DPP6: variants seen among roughly 807,000 people sequenced by gnomAD.
DPP6 encodes dipeptidyl peptidase like 6, also known as A-type potassium channel modulatory protein DPP6.
In DPP6, 69 loss-of-function variants were observed where a neutral mutation model predicts 122.6. That is an observed-to-expected ratio of 0.56 (90% CI 0.46 to 0.69). The LOEUF (loss-of-function observed/expected upper bound fraction) is 0.69, where lower values mean the gene tolerates loss of function less well. Among genes scored for constraint, DPP6 ranks in the 30% least tolerant of loss-of-function variants. The pLI is 0.00. For missense variants in DPP6, 928 were observed against 1,116.9 expected, an observed-to-expected ratio of 0.83 and a Z score of 2.41; for synonymous variants, 418 against 433.1, an observed-to-expected ratio of 0.97 and a Z score of 0.43.
At chr7:154,672,462 G>A (rs1278501350) in intron 7 of DPP6, among the ~76,000 whole-genome samples, 3 of 152,194 alleles carry the variant, frequency 2.0e-5, no homozygotes, top group Non-Finnish European at 4.4e-5. Context: ...TAATTCATTA[G>A]TTAATACATT....
Position 154,403,244 on chromosome 7 carries a change from T to C in DPP6, c.244-42970T>C, listed in dbSNP as rs1352573703. Among the ~76,000 whole-genome samples, 1 of 152,244 alleles carries C rather than the reference T, an allele frequency of 6.6e-6. No homozygotes were observed. Among genetic ancestry groups the C allele is most frequent in the African/African-American group, 2.4e-5 (1 of 41,470 alleles). On this transcript the variant is annotated intron_variant, in intron 1 of 25. Transcript: ENST00000377770. The surrounding 1 kb of genome is among the most constrained non-coding windows in gnomAD (Gnocchi z 4.1). ...GGGTCCATCACTGGCGATGTGCTGC[T>C]GGCCTCAGAATGTCTGCCTCTGACT...
the DPP6 span, among the ~76,000 whole-genome samples, chr7:153,842,260 G>A: frequency 9.2e-5 from 14 of 152,162 alleles, no homozygotes; most frequent in East Asian, 2.5e-3. Flanking sequence ...CTCATTATTC[G>A]TTTAAATAGC....
intron 1 of DPP6, among the ~76,000 whole-genome samples, chr7:154,011,477 A>C (rs1798154480): frequency 6.6e-6 from 1 of 152,244 alleles, no homozygotes; most frequent in Non-Finnish European, 1.5e-5. Context: ...AGTACAAAAA[A>C]TTCATCATTT....
At chr7:154,033,486 A>AG in intron 1 of DPP6, among the ~76,000 whole-genome samples, 1 of 152,260 alleles carries the variant, frequency 6.6e-6, no homozygotes, top group East Asian at 1.9e-4. Flanking sequence ...CAGTGTAAGA[A>AG]GGAACTCCTG....
At chr7:154,682,875 G>A (rs1407851519) in intron 7 of DPP6, among the ~76,000 whole-genome samples, 2 of 152,232 alleles carry the variant, frequency 1.3e-5, no homozygotes, top group Non-Finnish European at 2.9e-5. Context: ...AGTGATAGAC[G>A]TGAGCACAGA....
At chr7:154,362,316 C>T (rs1487813097) in intron 1 of DPP6, among the ~76,000 whole-genome samples, 12 of 152,182 alleles carry the variant, frequency 7.9e-5, no homozygotes, top group Admixed American at 1.3e-4. Context: ...TCCTGCCCTG[C>T]GGGTTCCCAG....
intron 1 of DPP6, among the ~76,000 whole-genome samples, chr7:154,076,809 A>T (rs2626778): frequency 6.6e-6 from 1 of 152,194 alleles, no homozygotes; most frequent in Non-Finnish European, 1.5e-5. Context: ...TCAGTCTCCA[A>T]TGCTTAATAA....
At chr7:154,874,003 TACAC>T (rs201353016) in intron 19 of DPP6, among the ~76,000 whole-genome samples, 1,773 of 148,530 alleles carry the variant, frequency 0.012, 14 homozygotes, top group East Asian at 0.039. Context: ...CATGCACACA[TACAC>T]ACACATGCAC....
At chr7:154,022,700 C>T (rs1798763780) in intron 1 of DPP6, among the ~76,000 whole-genome samples, 1 of 152,164 alleles carries the variant, frequency 6.6e-6, no homozygotes, top group Admixed American at 6.5e-5. Context: ...ACCTCCAGTT[C>T]ATCATGACTT....
At chr7:154,491,452 A>G (rs889724181) in intron 3 of DPP6, among the ~76,000 whole-genome samples, 3 of 152,176 alleles carry the variant, frequency 2.0e-5, no homozygotes, top group Non-Finnish European at 4.4e-5. Flanking sequence ...CAACATATTC[A>G]AGTCTAAAAA....
intron 1 of DPP6, among the ~76,000 whole-genome samples, chr7:154,159,106 C>T (rs544821050): frequency 5.9e-5 from 9 of 152,228 alleles, no homozygotes; most frequent in South Asian, 4.2e-4. Context: ...GATCAGAATA[C>T]GCCTTATTCA....
chr7:154,764,343 G>A (rs1463457476), intron 8 of DPP6, among the ~76,000 whole-genome samples: 4 of 151,984 alleles, frequency 2.6e-5, no homozygotes, highest in Admixed American at 2.0e-4. Flanking sequence ...TGTAACCTGC[G>A]TGGCCAATGA....
chr7:154,716,755 T>C (rs1022182226), intron 7 of DPP6, among the ~76,000 whole-genome samples: 1 of 151,660 alleles, frequency 6.6e-6, no homozygotes, highest in Admixed American at 6.5e-5. Flanking sequence ...TTTTAAAATT[T>C]TATTTTCTTT....
At chr7:153,775,759 AAATT>A in the DPP6 span, among the ~76,000 whole-genome samples, 7 of 152,290 alleles carry the variant, frequency 4.6e-5, no homozygotes, top group South Asian at 2.1e-4. Flanking sequence ...CAAAACACAA[AAATT>A]AATTGTTTTT....
chr7:154,859,270 G>A (rs117635359), intron 17 of DPP6, among the ~76,000 whole-genome samples: 1 of 152,244 alleles, frequency 6.6e-6, no homozygotes, highest in Non-Finnish European at 1.5e-5. Context: ...TCCAACCCGC[G>A]CTGTGGGGCT....
chr7:154,278,013 A>T (rs1188413045), intron 1 of DPP6, among the ~76,000 whole-genome samples: 1 of 151,924 alleles, frequency 6.6e-6, no homozygotes, highest in Non-Finnish European at 1.5e-5. Flanking sequence ...GGACCATGGG[A>T]CTCTTCCCGT....
intron 1 of DPP6, among the ~76,000 whole-genome samples, chr7:154,133,186 A>G (rs1795376391): frequency 6.6e-6 from 1 of 152,220 alleles, no homozygotes; most frequent in Non-Finnish European, 1.5e-5. Flanking sequence ...TCATAGAAAC[A>G]GGCTCACAGA....
intron 1 of DPP6, among the ~76,000 whole-genome samples, chr7:154,151,984 G>A (rs983332155): frequency 6.6e-6 from 1 of 151,116 alleles, no homozygotes; most frequent in African/African-American, 2.4e-5. Context: ...GGCCTGGCAC[G>A]GCCTTTCTTT....
chr7:154,119,441 C>T lies in DPP6; in HGVS notation c.243+66378C>T, dbSNP rs68005433. Among the ~76,000 whole-genome samples the T allele has an allele frequency of 5.3e-5, 8 of 152,038 alleles. No homozygotes were observed. The East Asian group carries it at 7.8e-4, about 15-fold the overall frequency. ...AGGGGTTTAAAAAAGGAAATCTTGACGTGAAAAGCTTGCAAGAATTGTGCT... is the reference window on the plus strand; with the variant it reads ...AGGGGTTTAAAAAAGGAAATCTTGATGTGAAAAGCTTGCAAGAATTGTGCT... On this transcript the variant is annotated intron_variant, in intron 1 of 25. Transcript: ENST00000377770.
Sources: gnomAD v4.1 joint callset for allele counts (sites outside exome capture counted in the v4.1 genomes callset) on GRCh38, gnomAD v4.1.1 for gene constraint, Gnocchi (gnomAD v3.1) non-coding constraint, MANE v1.5 for transcripts, NCBI Gene and HGNC (gene_info 2026-07-23, HGNC 2026-07-21) for gene names.